Variants in IL1R1 observed in about 807,000 individuals in gnomAD.
The protein encoded by IL1R1 is interleukin 1 receptor type 1.
In IL1R1, 22 loss-of-function variants were observed where a neutral mutation model predicts 50.2. The observed-to-expected ratio is 0.44, with a 90% confidence interval of 0.31 to 0.63. IL1R1 has a LOEUF of 0.63. Among genes scored for constraint, IL1R1 ranks in the 20% least tolerant of loss-of-function variants. IL1R1 has a pLI of 0.07. For missense variants in IL1R1, 509 were observed against 676.2 expected (o/e 0.75, Z 2.74); for synonymous variants, 251 against 236.7 (o/e 1.06, Z -0.55).
chr2:102,176,613 G>A lies in IL1R1; in HGVS notation c.1564G>A (p.Gly522Arg), dbSNP rs778584842. 1 of 1,613,978 alleles carries A rather than the reference G, an allele frequency of 6.2e-7. No homozygotes were observed. The highest frequency in any genetic ancestry group is 1.1e-5 in the South Asian group (1 of 91,086). Residue 522 changes from glycine to arginine, a missense_variant, in exon 12 of 12, where the codon GGA becomes AGA. Physicochemically the swap from Gly to Arg is moderately radical, Grantham distance 125. Coordinates refer to ENST00000410023, the MANE Select transcript of IL1R1 (RefSeq NM_000877.4). Reference protein sequence around the residue: ...AIRWSGDFTQGPQSAKTRFWK... With the variant: ...AIRWSGDFTQRPQSAKTRFWK... ...CCGCTGGTCAGGGGACTTTACACAG[G>A]GACCACAGTCTGCAAAGACAAGGTT...
intron 6 of IL1R1, among the ~76,000 whole-genome samples, chr2:102,166,589 C>T (rs1250937461): frequency 6.6e-6 from 1 of 152,152 alleles, no homozygotes; most frequent in African/African-American, 2.4e-5. Context: ...CTCCCTCTGG[C>T]TGGTATATGG....
At chr2:102,078,928 T>C (rs1679094190) in intron 1 of IL1R1, among the ~76,000 whole-genome samples, 1 of 152,146 alleles carries the variant, frequency 6.6e-6, no homozygotes, top group Non-Finnish European at 1.5e-5. Flanking sequence ...TGCAACATTA[T>C]TTCAACATCC....
intron 1 of IL1R1, among the ~76,000 whole-genome samples, chr2:102,151,647 A>C (rs1683661555): frequency 6.6e-6 from 1 of 152,252 alleles, no homozygotes; most frequent in South Asian, 2.1e-4. Flanking sequence ...GCCCAGAGCC[A>C]GCAGTTCAAG....
chr2:102,135,770 G>A (rs1196677807), intron 1 of IL1R1, among the ~76,000 whole-genome samples: 1 of 152,216 alleles, frequency 6.6e-6, no homozygotes, highest in Non-Finnish European at 1.5e-5. Context: ...ATTTTGCGGT[G>A]AAGGAATGTC....
intron 1 of IL1R1, among the ~76,000 whole-genome samples, chr2:102,087,314 C>A (rs539361700): frequency 1.6e-4 from 24 of 152,252 alleles, no homozygotes; most frequent in African/African-American, 5.8e-4. Context: ...AATAAGACAA[C>A]AATTAACCAT....
chr2:102,137,392 G>A (rs1682406134), intron 1 of IL1R1, among the ~76,000 whole-genome samples: 1 of 152,232 alleles, frequency 6.6e-6, no homozygotes, highest in African/African-American at 2.4e-5. Context: ...CTGTCATGCA[G>A]TTGTAGCCAG....
chr2:102,155,816 C>T (rs189393405), intron 2 of IL1R1, among the ~76,000 whole-genome samples: 1 of 152,332 alleles, frequency 6.6e-6, no homozygotes, highest in Non-Finnish European at 1.5e-5. Flanking sequence ...CCCTTGAGCA[C>T]ACTGGGGCCC....
rs749830514 is a variant in IL1R1 at position 102,165,020 on chromosome 2, A to G, written c.296+12A>G. 14 of 1,604,762 alleles carry G rather than the reference A, an allele frequency of 8.7e-6. No individual in the cohort carries two copies. The Admixed American group carries it at 2.0e-4, about 23-fold the overall frequency. ...TATTGCGTGGTAAGGTAAGAGAGGA[A>G]TTAGTATGTTACAAACATGTTCTAG... On this transcript the variant is annotated intron_variant, in intron 4 of 11. Coordinates refer to ENST00000410023, the MANE Select transcript of IL1R1 (RefSeq NM_000877.4).
intron 1 of IL1R1, among the ~76,000 whole-genome samples, chr2:102,144,983 A>G (rs1020239870): frequency 1.3e-5 from 2 of 152,216 alleles, no homozygotes; most frequent in African/African-American, 4.8e-5. Context: ...GGGATGCATC[A>G]GTGCGAGCTG....
chr2:102,124,512 G>A (rs1681584936), intron 1 of IL1R1, among the ~76,000 whole-genome samples: 1 of 152,016 alleles, frequency 6.6e-6, no homozygotes. Flanking sequence ...CCACATGGCT[G>A]GGGAAGCCTC....
At chr2:102,113,092 G>A (rs529522796) in intron 1 of IL1R1, among the ~76,000 whole-genome samples, 2 of 152,322 alleles carry the variant, frequency 1.3e-5, no homozygotes, top group South Asian at 4.1e-4. Context: ...TGTTGTTTAA[G>A]CCACCCAATC....
At chr2:102,093,723 T>C (rs747572816) in intron 1 of IL1R1, among the ~76,000 whole-genome samples, 4 of 152,212 alleles carry the variant, frequency 2.6e-5, no homozygotes, top group Non-Finnish European at 5.9e-5. Context: ...TAAGAGTTCT[T>C]TACATATTCT....
At chr2:102,120,822 C>G (rs1045090359) in intron 1 of IL1R1, among the ~76,000 whole-genome samples, 1 of 152,208 alleles carries the variant, frequency 6.6e-6, no homozygotes, top group Non-Finnish European at 1.5e-5. Context: ...CCTCAAGTAC[C>G]TGGAACACTG....
intron 1 of IL1R1, among the ~76,000 whole-genome samples, chr2:102,110,813 T>A (rs1680716257): frequency 6.6e-6 from 1 of 151,810 alleles, no homozygotes; most frequent in Non-Finnish European, 1.5e-5. Flanking sequence ...CCTGCCAGGG[T>A]TGCATGAAAC....
chr2:102,085,472 A>G (rs1679393101), intron 1 of IL1R1, among the ~76,000 whole-genome samples: 1 of 152,182 alleles, frequency 6.6e-6, no homozygotes, highest in African/African-American at 2.4e-5. Flanking sequence ...AGAGAAATGA[A>G]TACTCTTTTC....
intron 1 of IL1R1, among the ~76,000 whole-genome samples, chr2:102,095,855 T>A (rs1261942450): frequency 2.0e-5 from 3 of 151,964 alleles, no homozygotes; most frequent in Non-Finnish European, 2.9e-5. Context: ...ATAGAAAAAT[T>A]AGCTGGGTGT....
chr2:102,108,003 A>T (rs890744327), intron 1 of IL1R1, among the ~76,000 whole-genome samples: 1 of 152,240 alleles, frequency 6.6e-6, no homozygotes, highest in Admixed American at 6.5e-5. Context: ...GGCCTGTGCT[A>T]GCCACCTCAC....
chr2:102,163,818 C>T (rs532889166), intron 3 of IL1R1, among the ~76,000 whole-genome samples: 38 of 152,060 alleles, frequency 2.5e-4, no homozygotes, highest in Admixed American at 4.6e-4. Context: ...TGGATATTTT[C>T]GTATTCCCCA....
At chr2:102,160,702 C>T (rs1684639973) in intron 3 of IL1R1, among the ~76,000 whole-genome samples, 1 of 152,152 alleles carries the variant, frequency 6.6e-6, no homozygotes, top group Non-Finnish European at 1.5e-5. Context: ...TGCCCAAAGC[C>T]TGCAAAAATG....
Sources: allele counts gnomAD v4.1 joint callset (sites outside exome capture counted in the v4.1 genomes callset), GRCh38; gene constraint gnomAD v4.1.1; transcripts MANE v1.5; gene names NCBI Gene and HGNC (gene_info 2026-07-23, HGNC 2026-07-21).